Variants in RNLS observed in about 807,000 individuals in gnomAD.
RNLS encodes the protein renalase.
In RNLS, 39 loss-of-function variants were observed where a neutral mutation model predicts 39.8. The observed-to-expected ratio is 0.98, with a 90% CI of 0.76 to 1.28. RNLS has a LOEUF of 1.28. Ranked by LOEUF, RNLS falls within the 50% of genes most tolerant of loss-of-function variation. RNLS has a pLI of 0.00. For missense variants in RNLS, 410 were observed against 413.3 expected, an observed-to-expected ratio of 0.99 and a Z score of 0.07; for synonymous variants, 147 against 150.7, an observed-to-expected ratio of 0.98 and a Z score of 0.18.
At chr10:88,432,859 T>C (rs1362664160) in intron 4 of RNLS, among the ~76,000 whole-genome samples, 2 of 152,016 alleles carry the variant, frequency 1.3e-5, no homozygotes, top group African/African-American at 2.4e-5. Flanking sequence ...ATACATCTTA[T>C]TGTTTATAAG....
chr10:88,565,529 A>G (rs1295123949), intron 4 of RNLS, among the ~76,000 whole-genome samples: 1 of 152,138 alleles, frequency 6.6e-6, no homozygotes, highest in Non-Finnish European at 1.5e-5. Flanking sequence ...TAAACACAAA[A>G]TGATTTCCAT....
the RNLS span, among the ~76,000 whole-genome samples, chr10:88,263,051 T>C: frequency 6.6e-6 from 1 of 152,160 alleles, no homozygotes; most frequent in Non-Finnish European, 1.5e-5. Context: ...ATACTAGGTT[T>C]CTTCATAGGT....
intron 5 of RNLS, among the ~76,000 whole-genome samples, chr10:88,340,714 TCTAA>T (rs1207633327): frequency 1.3e-5 from 2 of 152,104 alleles, no homozygotes; most frequent in Admixed American, 1.3e-4. Flanking sequence ...TATAAGGAAT[TCTAA>T]CTATTTATTA....
intron 4 of RNLS, among the ~76,000 whole-genome samples, chr10:88,518,606 G>T (rs1321451490): frequency 6.6e-6 from 1 of 151,842 alleles, no homozygotes; most frequent in Non-Finnish European, 1.5e-5. Flanking sequence ...AGCAAGATAG[G>T]CACATGATCA....
intron 4 of RNLS, among the ~76,000 whole-genome samples, chr10:88,566,617 C>G (rs1490564697): frequency 2.6e-5 from 4 of 152,012 alleles, no homozygotes; most frequent in Non-Finnish European, 5.9e-5. Flanking sequence ...AACAATACCT[C>G]AAGGAAGGGG....
chr10:88,296,930 T>G (rs759627541), intron 6 of RNLS, among the ~76,000 whole-genome samples: 6 of 152,194 alleles, frequency 3.9e-5, no homozygotes, highest in Non-Finnish European at 8.8e-5. Flanking sequence ...CTTCTTTCAC[T>G]GAGATAATGC....
chr10:88,518,411 G>T (rs1483708613), intron 4 of RNLS, among the ~76,000 whole-genome samples: 3 of 151,822 alleles, frequency 2.0e-5, no homozygotes, highest in Non-Finnish European at 4.4e-5. Flanking sequence ...AAAAAGGATT[G>T]CTAAAGAAGA....
chr10:88,456,962 T>C (rs1842664189), intron 4 of RNLS, among the ~76,000 whole-genome samples: 5 of 152,182 alleles, frequency 3.3e-5, no homozygotes, highest in South Asian at 2.1e-4. Context: ...ACTTGTAGGA[T>C]TTATACAGCA....
intron 5 of RNLS, among the ~76,000 whole-genome samples, chr10:88,338,882 C>A (rs1032309146): frequency 6.6e-6 from 1 of 152,108 alleles, no homozygotes; most frequent in African/African-American, 2.4e-5. Context: ...CCGCCTCAGC[C>A]TCCTGAGTAG....
At chr10:88,195,649 C>T in the RNLS span, among the ~76,000 whole-genome samples, 1 of 152,150 alleles carries the variant, frequency 6.6e-6, no homozygotes, top group East Asian at 1.9e-4. Context: ...ACACAGACCC[C>T]AAGAAAGAGC....
At chr10:88,198,526 C>T in the RNLS span, among the ~76,000 whole-genome samples, 1 of 151,994 alleles carries the variant, frequency 6.6e-6, no homozygotes, top group Admixed American at 6.5e-5. Flanking sequence ...GTGTCTCTGC[C>T]CAAATCTCAC....
chr10:88,257,220 T>C, the RNLS span, among the ~76,000 whole-genome samples: 3 of 152,158 alleles, frequency 2.0e-5, no homozygotes, highest in Non-Finnish European at 2.9e-5. Flanking sequence ...CTCAAATCAA[T>C]GCAAATCACA....
chr10:88,250,537 C>T, the RNLS span, among the ~76,000 whole-genome samples: 1 of 152,208 alleles, frequency 6.6e-6, no homozygotes, highest in African/African-American at 2.4e-5. Context: ...CCACCCTGTG[C>T]ACAGCCCTCA....
At chr10:88,264,558 T>C in the RNLS span, among the ~76,000 whole-genome samples, 5 of 152,326 alleles carry the variant, frequency 3.3e-5, no homozygotes, top group East Asian at 9.6e-4. Flanking sequence ...GATGTGCATT[T>C]CCCTGATCAT....
chr10:88,444,568 C>T (rs1841929913), intron 4 of RNLS, among the ~76,000 whole-genome samples: 1 of 151,982 alleles, frequency 6.6e-6, no homozygotes, highest in Admixed American at 6.6e-5. Context: ...AGCTAAAAAC[C>T]TTGAAAAAAA....
chr10:88,403,904 G>A (rs1853098761), intron 4 of RNLS, among the ~76,000 whole-genome samples: 1 of 151,882 alleles, frequency 6.6e-6, no homozygotes, highest in African/African-American at 2.4e-5. Context: ...TTAGTTGTGT[G>A]TGGTGGTGCA....
intron 4 of RNLS, among the ~76,000 whole-genome samples, chr10:88,463,728 A>G (rs1330445406): frequency 6.6e-6 from 1 of 152,040 alleles, no homozygotes; most frequent in Non-Finnish European, 1.5e-5. Flanking sequence ...AATTTTTTTC[A>G]ATGTTAACTT....
At chr10:88,407,420 G>GA (rs1204239838) in intron 4 of RNLS, among the ~76,000 whole-genome samples, 1 of 151,688 alleles carries the variant, frequency 6.6e-6, no homozygotes, top group Non-Finnish European at 1.5e-5. Context: ...GAGAGGGTGA[G>GA]AAAAAGGTGG....
At chr10:88,558,130 C>A (rs1195329831) in intron 4 of RNLS, among the ~76,000 whole-genome samples, 1 of 152,002 alleles carries the variant, frequency 6.6e-6, no homozygotes, top group African/African-American at 2.4e-5. Context: ...CATCATGATG[C>A]GTTTATATCA....
Sources: gnomAD v4.1 joint callset for allele counts (sites outside exome capture counted in the v4.1 genomes callset) on GRCh38, gnomAD v4.1.1 for gene constraint, MANE v1.5 for transcripts, NCBI Gene and HGNC (gene_info 2026-07-23, HGNC 2026-07-21) for gene names.